ACTC1: variants seen among roughly 807,000 people sequenced by gnomAD.
The protein encoded by ACTC1 is actin alpha cardiac muscle 1.
A neutral mutation model predicts 31.6 loss-of-function variants in ACTC1; 10 were observed. The observed-to-expected ratio is 0.32, with a 90% CI of 0.19 to 0.54. The LOEUF is 0.54. Among genes scored for constraint, ACTC1 ranks in the 20% least tolerant of loss-of-function variants. The pLI is 0.95. For missense variants in ACTC1, 129 were observed against 506.4 expected (o/e 0.25, Z 7.15); for synonymous variants, 196 against 185.0 (o/e 1.06, Z -0.48).
Position 34,791,852 on chromosome 15 carries a change from T to C in ACTC1, c.808+238A>G, listed in dbSNP as rs985322274. The C allele has an allele frequency of 1.3e-5, 7 of 543,612 alleles. No individual in the cohort carries two copies. In the South Asian group the frequency reaches 1.4e-4, roughly 11 times the overall value. The allele number at this position is 543,612 out of a possible 1,614,324, so 33.7% of individuals were successfully genotyped here. On this transcript the variant is annotated intron_variant, in intron 5 of 6. Coordinates refer to ENST00000290378, the MANE Select transcript of ACTC1 (RefSeq NM_005159.5). The stretch of plus-strand genomic sequence containing the variant: ...CTGCAGATACGTGCTATTCAGTTAC[T>C]ACTCTGTGTCATCCTTTATTTTGAG...
In ACTC1 at chr15:34,792,033, G is replaced by A; in HGVS notation, c.808+57C>T. On this transcript the variant is annotated intron_variant, in intron 5 of 6. Transcript: ENST00000290378. This position sits in a 1 kb window ranked among gnomAD's most constrained non-coding sequence, Gnocchi z 5.3. ...CTTGAGCCTTCTAGATTTTACTCTG[G>A]GAGACCCTAAGATTTCCAGGGAAAA... The A allele has an allele frequency of 6.3e-7, 1 of 1,593,800 alleles. No individual in the cohort carries two copies. The highest frequency in any genetic ancestry group is 8.6e-7 in the Non-Finnish European group (1 of 1,163,456).
rs745838366 is a variant in ACTC1, at chr15:34,793,572, A to G, written c.130-3T>C. 7 of 1,613,664 alleles carry G rather than the reference A, an allele frequency of 4.3e-6. No homozygotes were observed. In the South Asian group the frequency reaches 4.4e-5, roughly 10 times the overall value. On this transcript the variant is annotated splice_polypyrimidine_tract_variant and splice_region_variant and intron_variant, in intron 2 of 6. Coordinates refer to ENST00000290378, the MANE Select transcript of ACTC1 (RefSeq NM_005159.5). The surrounding 1 kb of genome is among the most constrained non-coding windows in gnomAD (Gnocchi z 4.8). The stretch of plus-strand genomic sequence containing the variant: ...TGACCCATACCCACCATAACTCCCT[A>G]TGAGAAGAAAAAATGAGAAAATCAT...
intron 6 of ACTC1, 132 bp downstream of exon 6, chr15:34,790,982 G>T: frequency 1.2e-6 from 1 of 866,266 alleles, no homozygotes; most frequent in South Asian, 2.2e-5. Flanking sequence ...ATCAGAAAAA[G>T]TGGTAGAAAA....
rs1175020886 is a variant in ACTC1, at chr15:34,790,523, G to T, written c.1023C>A (p.Val341=). 6.2e-7 allele frequency: 1 copy of T among 1,614,132 alleles called. No homozygotes were observed. Among genetic ancestry groups the T allele is most frequent in the Non-Finnish European group, 8.5e-7 (1 of 1,179,998 alleles). The part of the protein sequence containing the change: ...IIAPPERKYS[V]WIGGSILASL... The stretch of plus-strand genomic sequence containing the variant: ...AGGCCAGGATGGAGCCCCCAATCCA[G>T]ACAGAGTATTTACGCTCAGGGGGAG... The change falls in exon 7 of 7, where the codon GTC becomes GTA. Residue 341 remains valine, a synonymous_variant. Transcript: ENST00000290378.
At chr15:34,791,077 A>T (rs1198200211) in intron 6 of ACTC1, 37 bp downstream of exon 6, 1 of 1,553,020 alleles carries the variant, frequency 6.4e-7, no homozygotes, top group African/African-American at 1.4e-5. Context: ...GAATACCAAG[A>T]CTTGCCTCGG....
Position 34,792,051 on chromosome 15 carries a change from A to G in ACTC1, c.808+39T>C. The G allele has an allele frequency of 6.2e-7, 1 of 1,609,632 alleles. No homozygotes were observed. The highest frequency in any genetic ancestry group is 1.1e-5 in the South Asian group (1 of 90,972). On this transcript the variant is annotated intron_variant, in intron 5 of 6. Coordinates refer to ENST00000290378, the MANE Select transcript of ACTC1 (RefSeq NM_005159.5). The surrounding 1 kb of genome is among the most constrained non-coding windows in gnomAD (Gnocchi z 5.3). ...TACTCTGGGAGACCCTAAGATTTCC[A>G]GGGAAAATCGTGCCTCTGCACCAGA...
At position 34,794,814 on chromosome 15, in the gene ACTC1, C is replaced by T. The variant is rs1595762074; in HGVS notation, c.-6G>A. On this transcript the variant is annotated 5_prime_UTR_variant, in exon 2 of 7. Transcript: ENST00000290378. ...GTCTCCTCGTCGTCACACATCTTGG[C>T]ACAGCTTCAGGGGGTTCTGCAGGTT... 6.2e-7 allele frequency: 1 copy of T among 1,612,978 alleles called. No homozygotes were observed. Among genetic ancestry groups the T allele is most frequent in the Non-Finnish European group, 8.5e-7 (1 of 1,179,282 alleles).
In ACTC1 at chr15:34,790,332, T is replaced by C. The variant is rs1891676422; in HGVS notation, c.*80A>G. ...AAACTGTACAATGATTGATGAAAGA[T>C]GAGGGAAGGTGGTTTGGAAGACTCC... On this transcript the variant is annotated 3_prime_UTR_variant, in exon 7 of 7. Coordinates refer to ENST00000290378, the MANE Select transcript of ACTC1 (RefSeq NM_005159.5). 5 of 1,522,676 alleles carry C rather than the reference T, an allele frequency of 3.3e-6. No homozygotes were observed. The South Asian group carries it at 4.5e-5, about 14-fold the overall frequency. The allele number at this position is 1,522,676 out of a possible 1,614,324, so 94.3% of individuals were successfully genotyped here.
In ACTC1 at chr15:34,794,728, G is replaced by A. The variant is rs753552901; in HGVS notation, c.81C>T (p.Asp27=). ...GLVKAGFAGD[D]APRAVFPSIV... ...TGGACGGGAAGACAGCGCGGGGCGC[G>A]TCATCGCCCGCAAAGCCGGCCTTCA... Residue 27 remains aspartate (D), a synonymous_variant, in exon 2 of 7, where the codon GAC becomes GAT. Transcript: ENST00000290378. 5 of 1,613,252 alleles carry A rather than the reference G, an allele frequency of 3.1e-6. No individual in the cohort carries two copies. Among genetic ancestry groups the A allele is most frequent in the Non-Finnish European group, 3.4e-6 (4 of 1,179,832 alleles).
At position 34,794,361 on chromosome 15, in the gene ACTC1, A is replaced by C. The variant is rs77247635; in HGVS notation, c.129+319T>G. Reference sequence around the variant, plus strand: ...TTTTAAACAGGACTGAAAAGAGAGGACAAGGAAGAAAATGAAGTGTATAAG... The same window carrying C: ...TTTTAAACAGGACTGAAAAGAGAGGCCAAGGAAGAAAATGAAGTGTATAAG... On this transcript the variant is annotated intron_variant, in intron 2 of 6. Coordinates refer to ENST00000290378, the MANE Select transcript of ACTC1 (RefSeq NM_005159.5). Among the ~76,000 whole-genome samples the C allele has an allele frequency of 0.11, 16,963 of 152,166 alleles. 1,104 individuals are homozygous for C. The highest frequency in any genetic ancestry group is 0.16 in the African/African-American group (6,593 of 41,486).
intron 2 of ACTC1, among the ~76,000 whole-genome samples, chr15:34,794,233 T>C (rs1315473657): frequency 1.3e-5 from 2 of 152,192 alleles, no homozygotes; most frequent in African/African-American, 2.4e-5. Flanking sequence ...AGGAAGGAGA[T>C]AGATTGATTA....
intron 5 of ACTC1, chr15:34,791,733 G>A: frequency 2.7e-6 from 1 of 373,732 alleles, no homozygotes; most frequent in Non-Finnish European, 5.0e-6. Flanking sequence ...GAGTAGGAAT[G>A]TTATTGCATT....
chr15:34,791,999 C>T (rs1271232165), intron 5 of ACTC1, 91 bp downstream of exon 5: 6 of 1,422,700 alleles, frequency 4.2e-6, no homozygotes, highest in Middle Eastern at 2.4e-4. Context: ...TCTTTTAACT[C>T]AAGGGCTTCT....
At position 34,790,513 on chromosome 15, in the gene ACTC1, C is replaced by A; in HGVS notation, c.1033G>T (p.Gly345Cys). Residue 345 changes from glycine (G) to cysteine (C), a missense_variant, in exon 7 of 7, where the codon GGC becomes TGC. By Grantham distance (159) the Gly-to-Cys change is radical. Transcript: ENST00000290378. ...GTGGACAGAGAGGCCAGGATGGAGC[C>A]CCCAATCCAGACAGAGTATTTACGC... ...PERKYSVWIG[G>C]SILASLSTFQ... The A allele has an allele frequency of 6.2e-7, 1 of 1,614,068 alleles. No homozygotes were observed. The highest frequency in any genetic ancestry group is 8.5e-7 in the Non-Finnish European group (1 of 1,180,010).
chr15:34,793,408 A>G lies in ACTC1; in HGVS notation c.291T>C (p.Arg97=). The G allele has an allele frequency of 6.2e-7, 1 of 1,614,138 alleles. No homozygotes were observed. The highest frequency in any genetic ancestry group is 1.1e-5 in the South Asian group (1 of 91,080). ...GGGTGGGGTGCTCCTCGGGAGCCAC[A>G]CGGAGCTCATTGTAGAAGGTGTGGT... ...IWHHTFYNEL[R]VAPEEHPTLL... Residue 97 remains arginine (R), a synonymous_variant, in exon 3 of 7, where the codon CGT becomes CGC. Transcript: ENST00000290378. The surrounding 1 kb of genome is among the most constrained non-coding windows in gnomAD (Gnocchi z 4.8).
At chr15:34,794,637 G>A (rs183632308) in intron 2 of ACTC1, 43 bp downstream of exon 2, 1 of 1,599,588 alleles carries the variant, frequency 6.3e-7, no homozygotes. Flanking sequence ...TCGCTGGACT[G>A]AAGGGGTCCC....
rs1259765677 is a variant in ACTC1, at chr15:34,793,938, C to T, written c.130-369G>A. ...CATTTTGGAATGACTGAATTAATGA[C>T]ACATTGTATTTCTCCTAAGAAAAAG... On this transcript the variant is annotated intron_variant, in intron 2 of 6. Coordinates refer to ENST00000290378, the MANE Select transcript of ACTC1 (RefSeq NM_005159.5). This position sits in a 1 kb window ranked among gnomAD's most constrained non-coding sequence, Gnocchi z 4.8. Among the ~76,000 whole-genome samples the T allele has an allele frequency of 2.6e-5, 4 of 152,206 alleles. No individual in the cohort carries two copies. The highest frequency in any genetic ancestry group is 9.7e-5 in the African/African-American group (4 of 41,438).
chr15:34,791,557 C>A, intron 5 of ACTC1: 1 of 489,264 alleles, frequency 2.0e-6, no homozygotes, highest in Non-Finnish European at 3.6e-6. Context: ...CCTCCTGAAA[C>A]TCTCAGATGT....
chr15:34,790,439 T>C lies in ACTC1; in HGVS notation c.1107A>G (p.Pro369=), dbSNP rs1461752524. ...AGAAGCATTTGCGGTGGACAATGGA[T>C]GGGCCTGCCTCATCGTACTCTTGCT... The part of the protein sequence containing the change: ...ISKQEYDEAG[P]SIVHRKCF The change falls in exon 7 of 7, where the codon CCA becomes CCG. Residue 369 remains proline (P), a synonymous_variant. Coordinates refer to ENST00000290378, the MANE Select transcript of ACTC1 (RefSeq NM_005159.5). The C allele has an allele frequency of 1.2e-6, 2 of 1,614,120 alleles. No homozygotes were observed. Among genetic ancestry groups the C allele is most frequent in the East Asian group, 2.2e-5 (1 of 44,884 alleles).
Sources: gnomAD v4.1 joint callset for allele counts (sites outside exome capture counted in the v4.1 genomes callset) on GRCh38, gnomAD v4.1.1 for gene constraint, Gnocchi (gnomAD v3.1) non-coding constraint, MANE v1.5 for transcripts, NCBI Gene and HGNC (gene_info 2026-07-23, HGNC 2026-07-21) for gene names.